PES1: variants seen among roughly 807,000 people sequenced by gnomAD.
PES1 encodes pescadillo homolog.
PES1 carries 31 observed loss-of-function variants against 77.1 expected under a neutral mutation model. The ratio of observed to expected loss-of-function variants is 0.40; its 90% CI spans 0.30 to 0.54. PES1 has a LOEUF of 0.54. PES1 is among the 20% of genes least tolerant of loss of function. The probability of loss-of-function intolerance (pLI) is 0.45; values close to 1 mark genes in which losing one functional copy is unlikely to be tolerated. For synonymous variants in PES1, 282 were observed against 303.0 expected (o/e 0.93, Z 0.72); for missense variants, 658 against 771.7 (o/e 0.85, Z 1.75).
chr22:30,598,885 A>AATTTTTTTT (rs1555892987), intron 2 of PES1, among the ~76,000 whole-genome samples: 5 of 51,220 alleles, frequency 9.8e-5, no homozygotes, highest in East Asian at 7.4e-4. Context: ...CTTAAGTAAA[A>AATTTTTTTT]TTTTTTTTTT....
At position 30,576,838 on chromosome 22, in the gene PES1, T is replaced by C. The variant is rs1025362730; in HGVS notation, c.*208A>G. The C allele has an allele frequency of 3.4e-6, 2 of 587,664 alleles. No homozygotes were observed. The highest frequency in any genetic ancestry group is 3.0e-5 in the Admixed American group (1 of 33,068). The allele number at this position is 587,664 out of a possible 1,614,324, so 36.4% of individuals were successfully genotyped here. On this transcript the variant is annotated 3_prime_UTR_variant, in exon 15 of 15. Coordinates refer to ENST00000354694, the MANE Select transcript of PES1 (RefSeq NM_014303.4). Reference sequence around the variant, plus strand: ...GAATCAGGCTGGGCACAGAGGCCTCTTCTCTGACCAGGCACCAGCAGGGCA... The same window carrying C: ...GAATCAGGCTGGGCACAGAGGCCTCCTCTCTGACCAGGCACCAGCAGGGCA...
intron 3 of PES1, 113 bp downstream of exon 3, chr22:30,587,908 C>T (rs549973402): frequency 4.8e-6 from 5 of 1,044,060 alleles, no homozygotes; most frequent in Admixed American, 4.1e-5. Context: ...GCTCACCCTG[C>T]CCTCTGTATA....
chr22:30,584,643 G>T lies in PES1; in HGVS notation c.443C>A (p.Pro148Gln). The T allele has an allele frequency of 6.2e-7, 1 of 1,613,962 alleles. No homozygotes were observed. The highest frequency in any genetic ancestry group is 2.2e-5 in the East Asian group (1 of 44,878). Residue 148 changes from proline (P) to glutamine (Q), a missense_variant, in exon 5 of 15, where the codon CCG becomes CAG. By Grantham distance (76) the Pro-to-Gln change is moderately conservative. Transcript: ENST00000354694. ...LSMCFLFSTF[P>Q]RTGKCHVQTI... ...CTGCACGTGGCACTTGCCAGTCCGCGGGAAGGTGGAAAACAGGAAGCACAT... is the reference window on the plus strand; with the variant it reads ...CTGCACGTGGCACTTGCCAGTCCGCTGGAAGGTGGAAAACAGGAAGCACAT...
At chr22:30,592,448 C>T (rs2087198528), upstream of PES1, 4 of 967,558 alleles carry the variant, frequency 4.1e-6, no homozygotes, top group Non-Finnish European at 4.9e-6. Context: ...TATAGAGATC[C>T]TAGAGGCCAC....
intron 1 of PES1, chr22:30,606,717 A>G: frequency 3.2e-5 from 1 of 31,576 alleles, no homozygotes. Context: ...CCCCCTCCCC[A>G]ACTGCCCAAC....
chr22:30,595,166 G>A (rs948247713), upstream of PES1, among the ~76,000 whole-genome samples: 1 of 152,014 alleles, frequency 6.6e-6, no homozygotes, highest in African/African-American at 2.4e-5. Flanking sequence ...CTTTAACAAA[G>A]TCCCCTTGCT....
intron 10 of PES1, 75 bp downstream of exon 10, chr22:30,580,496 G>A (rs759123931): frequency 2.8e-5 from 43 of 1,562,588 alleles, no homozygotes; most frequent in African/African-American, 1.8e-4. Flanking sequence ...CAATGTTACC[G>A]ATGGGCACCA....
chr22:30,590,798 CA>C (rs1255316309), intron 1 of PES1, among the ~76,000 whole-genome samples: 2 of 152,154 alleles, frequency 1.3e-5, no homozygotes, highest in East Asian at 3.9e-4. Flanking sequence ...CTTCCCACAA[CA>C]AAGACTCATC....
chr22:30,584,733 G>A lies in PES1; in HGVS notation c.369-16C>T. The A allele has an allele frequency of 1.9e-6, 3 of 1,612,722 alleles. No individual in the cohort carries two copies. Among genetic ancestry groups the A allele is most frequent in the East Asian group, 2.2e-5 (1 of 44,876 alleles). ...CGTGGGATACCTGCATGGCCAGTGAGGCAGCACATGGGGCCTGTTCAGCGT... is the reference window on the plus strand; with the variant it reads ...CGTGGGATACCTGCATGGCCAGTGAAGCAGCACATGGGGCCTGTTCAGCGT... On this transcript the variant is annotated splice_polypyrimidine_tract_variant and intron_variant, in intron 4 of 14. Transcript: ENST00000354694.
chr22:30,606,279 G>A (rs985019755), intron 1 of PES1, among the ~76,000 whole-genome samples: 7 of 152,048 alleles, frequency 4.6e-5, no homozygotes, highest in African/African-American at 1.7e-4. Context: ...CACCCAAGCT[G>A]GAGTGCAGTG....
chr22:30,587,100 C>T (rs1346849042), intron 4 of PES1, 186 bp downstream of exon 4: 2 of 573,532 alleles, frequency 3.5e-6, no homozygotes, highest in Non-Finnish European at 3.1e-6. Flanking sequence ...CTCTGACAAG[C>T]CTGTAACTAC....
Position 30,579,013 on chromosome 22 carries a change from A to G in PES1, c.1522-15T>C, listed in dbSNP as rs747116526. On this transcript the variant is annotated splice_polypyrimidine_tract_variant and intron_variant, in intron 13 of 14. Coordinates refer to ENST00000354694, the MANE Select transcript of PES1 (RefSeq NM_014303.4). ...ACCCTGGGCTTCTGGGGACACAAGGAGGGTGCTTATGGGGGCAGGTTCTCC... is the reference window on the plus strand; with the variant it reads ...ACCCTGGGCTTCTGGGGACACAAGGGGGGTGCTTATGGGGGCAGGTTCTCC... 7 of 1,607,844 alleles carry G rather than the reference A, an allele frequency of 4.4e-6. No homozygotes were observed. In the African/African-American group the frequency reaches 9.4e-5, roughly 21 times the overall value.
intron 2 of PES1, among the ~76,000 whole-genome samples, chr22:30,598,885 A>AT (rs71200084): frequency 0.011 from 569 of 51,080 alleles, 107 homozygotes; most frequent in African/African-American, 0.031. Context: ...CTTAAGTAAA[A>AT]TTTTTTTTTT....
At chr22:30,598,041 G>T (rs1056029894) in intron 2 of PES1, among the ~76,000 whole-genome samples, 2 of 151,952 alleles carry the variant, frequency 1.3e-5, no homozygotes, top group African/African-American at 2.4e-5. Flanking sequence ...CCGCCACTAC[G>T]CCCGGCTAGT....
chr22:30,589,879 G>T (rs1241342815), intron 1 of PES1, among the ~76,000 whole-genome samples: 1 of 151,836 alleles, frequency 6.6e-6, no homozygotes, highest in Non-Finnish European at 1.5e-5. Context: ...TCTTCCCTAT[G>T]CCCCATAAAA....
rs147488340 is a variant in PES1 at position 30,581,364 on chromosome 22, G to T, written c.792C>A (p.Thr264=). The change falls in exon 8 of 15, where the codon ACC becomes ACA. Residue 264 remains threonine (T), a synonymous_variant. Transcript: ENST00000354694. ...AQAEAKAGEG[T]YALDSESCME... Reference sequence around the variant, plus strand: ...TACAACTCTCGGAGTCCAACGCGTAGGTGCCCTCACCGGCCTTTGCCTCTG... The same window carrying T: ...TACAACTCTCGGAGTCCAACGCGTATGTGCCCTCACCGGCCTTTGCCTCTG... The T allele has an allele frequency of 7.4e-6, 12 of 1,613,750 alleles. No homozygotes were observed. The African/African-American group carries it at 1.5e-4, about 20-fold the overall frequency.
At chr22:30,578,250 C>G (rs1048965690) in intron 14 of PES1, among the ~76,000 whole-genome samples, 3 of 152,214 alleles carry the variant, frequency 2.0e-5, no homozygotes, top group African/African-American at 7.2e-5. Context: ...CCACTGCACT[C>G]TAGCCTGGGT....
intron 4 of PES1, among the ~76,000 whole-genome samples, chr22:30,586,542 T>C (rs986080132): frequency 6.6e-6 from 1 of 152,186 alleles, no homozygotes; most frequent in Non-Finnish European, 1.5e-5. Flanking sequence ...CTATAGCGTA[T>C]TTAGCAGCAT....
At chr22:30,605,342 C>T (rs561738467) in intron 2 of PES1, 1 of 373,518 alleles carries the variant, frequency 2.7e-6, no homozygotes, top group Non-Finnish European at 3.7e-6. Context: ...CCTACTCCCC[C>T]ACCCTCTAGC....
Sources: allele counts gnomAD v4.1 joint callset (sites outside exome capture counted in the v4.1 genomes callset), GRCh38; gene constraint gnomAD v4.1.1; transcripts MANE v1.5; gene names NCBI Gene and HGNC (gene_info 2026-07-23, HGNC 2026-07-21).